Variants in FSTL5 observed in about 807,000 individuals in gnomAD.
FSTL5 encodes follistatin like 5.
In FSTL5, 62 loss-of-function variants were observed where a neutral mutation model predicts 89.1. The ratio of observed to expected loss-of-function variants is 0.70; its 90% CI spans 0.57 to 0.86. The LOEUF (loss-of-function observed/expected upper bound fraction) is 0.86, where lower values mean the gene tolerates loss of function less well. Among genes scored for constraint, FSTL5 ranks in the 40% least tolerant of loss-of-function variants. The pLI, the probability that FSTL5 is intolerant of heterozygous loss-of-function variation, is 0.00. For synonymous variants in FSTL5, 383 were observed against 346.2 expected, an observed-to-expected ratio of 1.11 and a Z score of -1.18; for missense variants, 1,057 against 1,001.6, an observed-to-expected ratio of 1.06 and a Z score of -0.75.
intron 6 of FSTL5, among the ~76,000 whole-genome samples, chr4:161,716,324 G>A (rs756806229): frequency 1.2e-4 from 18 of 152,010 alleles, no homozygotes; most frequent in Non-Finnish European, 1.3e-4. Flanking sequence ...CCAGCCAGGC[G>A]CAGTGGCTCA....
chr4:161,549,205 T>C lies in FSTL5; in HGVS notation c.1016-6512A>G, dbSNP rs564839474. On this transcript the variant is annotated intron_variant, in intron 8 of 15. Transcript: ENST00000306100. ...GGGTCTTCATTTTGCTGCTTAATAG[T>C]GCTGTGATGTTGAGTTCATTTTCAA... Among the ~76,000 whole-genome samples, 3 of 152,004 alleles carry C rather than the reference T, an allele frequency of 2.0e-5. No individual in the cohort carries two copies. The South Asian group carries it at 6.2e-4, about 32-fold the overall frequency.
intron 15 of FSTL5, among the ~76,000 whole-genome samples, chr4:161,406,190 T>C (rs17397279): frequency 0.16 from 24,455 of 152,114 alleles, 2,218 homozygotes; most frequent in South Asian, 0.23. Context: ...AAGTCAATGT[T>C]ATTGTGTTTT....
intron 8 of FSTL5, among the ~76,000 whole-genome samples, chr4:161,558,526 AC>A (rs1204379468): frequency 6.7e-6 from 1 of 149,738 alleles, no homozygotes; most frequent in Non-Finnish European, 1.5e-5. Flanking sequence ...GAAAAATGCC[AC>A]CCCACTGGAA....
intron 2 of FSTL5, among the ~76,000 whole-genome samples, chr4:162,095,086 C>T (rs1390755603): frequency 6.6e-6 from 1 of 151,820 alleles, no homozygotes; most frequent in African/African-American, 2.4e-5. Context: ...TATTCTCTTA[C>T]TAGAAAAAAA....
At chr4:161,601,014 A>C (rs962925723) in intron 7 of FSTL5, among the ~76,000 whole-genome samples, 2 of 152,158 alleles carry the variant, frequency 1.3e-5, no homozygotes, top group Admixed American at 6.6e-5. Flanking sequence ...GGAAGAAAAC[A>C]AGGAACCATA....
rs200493486 is a variant in FSTL5 at position 162,013,574 on chromosome 4, G to T, written c.160+20051C>A. Among the ~76,000 whole-genome samples, 4 of 152,218 alleles carry T rather than the reference G, an allele frequency of 2.6e-5. No individual in the cohort carries two copies. The East Asian group carries it at 7.7e-4, about 29-fold the overall frequency. ...TTGGGAAGGAAAAAATAGAAGCTAGGCTTATTCTCCATAGGTCCTTTGTTG... is the reference window on the plus strand; with the variant it reads ...TTGGGAAGGAAAAAATAGAAGCTAGTCTTATTCTCCATAGGTCCTTTGTTG... On this transcript the variant is annotated intron_variant, in intron 3 of 15. Transcript: ENST00000306100.
chr4:162,040,235 A>C (rs1737896862), intron 2 of FSTL5, among the ~76,000 whole-genome samples: 1 of 152,092 alleles, frequency 6.6e-6, no homozygotes, highest in Non-Finnish European at 1.5e-5. Context: ...CTCATGTGCT[A>C]TAAGGGAGAA....
intron 4 of FSTL5, among the ~76,000 whole-genome samples, chr4:161,783,644 TCTCTC>T (rs1741753434): frequency 6.8e-5 from 1 of 14,720 alleles, no homozygotes; most frequent in Non-Finnish European, 1.6e-4. Context: ...TTTCTTTCTT[TCTCTC>T]TCTTTCTTTC....
intron 15 of FSTL5, among the ~76,000 whole-genome samples, chr4:161,446,582 A>G (rs1413342135): frequency 6.6e-6 from 1 of 152,044 alleles, no homozygotes; most frequent in Non-Finnish European, 1.5e-5. Context: ...AGAATTAAAA[A>G]CCTCAATGTA....
intron 3 of FSTL5, among the ~76,000 whole-genome samples, chr4:162,013,768 C>A (rs536543382): frequency 2.7e-5 from 4 of 149,754 alleles, no homozygotes; most frequent in Non-Finnish European, 5.9e-5. Context: ...TTGAGGCTGT[C>A]AACAGCCTAA....
At chr4:162,022,903 T>C (rs779114964) in intron 3 of FSTL5, 8 of 152,112 alleles carry the variant, frequency 5.3e-5, no homozygotes, top group Non-Finnish European at 1.0e-4. Context: ...AATGGAATGA[T>C]TGACAGGTAA....
chr4:161,864,870 C>CA (rs10636039), intron 4 of FSTL5, among the ~76,000 whole-genome samples: 1,090 of 92,338 alleles, frequency 0.012, 35 homozygotes, highest in African/African-American at 0.04. Flanking sequence ...GACTTCGTCT[C>CA]AAAAAAAAAA....
intron 2 of FSTL5, among the ~76,000 whole-genome samples, chr4:162,087,166 T>TA: frequency 6.6e-6 from 1 of 152,158 alleles, no homozygotes; most frequent in Non-Finnish European, 1.5e-5. Context: ...CAAAAGGAAA[T>TA]AAACCAAACT....
chr4:162,156,378 A>G (rs1733472279), intron 1 of FSTL5, among the ~76,000 whole-genome samples: 1 of 152,188 alleles, frequency 6.6e-6, no homozygotes, highest in Non-Finnish European at 1.5e-5. Flanking sequence ...TTGACCCAAT[A>G]ATGCGATTAC....
intron 10 of FSTL5, among the ~76,000 whole-genome samples, chr4:161,528,230 T>G (rs10010049): frequency 0.03 from 4,215 of 140,208 alleles, 508 homozygotes; most frequent in African/African-American, 0.1. Flanking sequence ...CACCAGCATG[T>G]CACATGTATA....
chr4:161,498,796 T>C (rs1730185136), intron 12 of FSTL5, among the ~76,000 whole-genome samples: 1 of 152,198 alleles, frequency 6.6e-6, no homozygotes, highest in African/African-American at 2.4e-5. Context: ...AATTATTTCT[T>C]TTATCAGCAA....
chr4:161,974,196 T>C (rs1377767027), intron 3 of FSTL5, among the ~76,000 whole-genome samples: 4 of 152,166 alleles, frequency 2.6e-5, no homozygotes, highest in African/African-American at 7.2e-5. Context: ...AGGTAATTTA[T>C]AGATTCAATG....
chr4:161,386,358 A>T lies in FSTL5; in HGVS notation c.1933T>A (p.Tyr645Asn). 6.2e-7 allele frequency: 1 copy of T among 1,613,912 alleles called. No homozygotes were observed. Among genetic ancestry groups the T allele is most frequent in the Non-Finnish European group, 8.5e-7 (1 of 1,179,870 alleles). ...GCCAATGACTGAGGAACGCACTTAT[A>T]GTCCTTCAAGTTAATTGTCTTGATG... The part of the protein sequence containing the change: ...SYIKTINLKD[Y>N]KCVPQSLAYT... Residue 645 changes from tyrosine (Y) to asparagine (N), a missense_variant, in exon 16 of 16, where the codon TAT (tyrosine) becomes AAT (asparagine). Around this residue, in one of 3 missense-constraint regions of FSTL5, gnomAD observed 980 missense variants for 903.2 expected, o/e 1.08. Coordinates refer to ENST00000306100, the MANE Select transcript of FSTL5 (RefSeq NM_020116.5).
At chr4:161,725,940 G>C (rs1193145382) in intron 6 of FSTL5, among the ~76,000 whole-genome samples, 1 of 152,074 alleles carries the variant, frequency 6.6e-6, no homozygotes, top group Non-Finnish European at 1.5e-5. Flanking sequence ...TACTTTTAAT[G>C]CCAAAAACCA....
Sources: allele counts gnomAD v4.1 joint callset (sites outside exome capture counted in the v4.1 genomes callset), GRCh38; gene constraint gnomAD v4.1.1; regional missense constraint gnomAD v4.1.1; transcripts MANE v1.5; gene names NCBI Gene and HGNC (gene_info 2026-07-23, HGNC 2026-07-21).